MYLK: variants seen among roughly 807,000 people sequenced by gnomAD.
The protein encoded by MYLK is myosin light chain kinase, also known as myosin light chain kinase, smooth muscle.
MYLK carries 106 observed loss-of-function variants against 203.4 expected under a neutral mutation model. That is an observed-to-expected ratio of 0.52 (90% CI 0.45 to 0.61). MYLK has a LOEUF of 0.61. Ranked by LOEUF, MYLK falls within the 20% of genes least tolerant of loss-of-function variation. The pLI, the probability that MYLK is intolerant of heterozygous loss-of-function variation, is 0.00. For missense variants in MYLK, 2,072 were observed against 2,442.3 expected (o/e 0.85, Z 3.20); for synonymous variants, 867 against 959.5 (o/e 0.90, Z 1.78).
intron 8 of MYLK, among the ~76,000 whole-genome samples, chr3:123,735,921 G>GAT (rs1242768244): frequency 6.6e-6 from 1 of 152,184 alleles, no homozygotes; most frequent in East Asian, 1.9e-4. Flanking sequence ...CGATTAAGGA[G>GAT]ATACCACATT....
intron 5 of MYLK, among the ~76,000 whole-genome samples, chr3:123,750,733 T>C (rs2063167311): frequency 2.6e-5 from 4 of 152,122 alleles, no homozygotes; most frequent in South Asian, 2.1e-4. Context: ...TTTGTAGGCA[T>C]CAACACAAAG....
intron 3 of MYLK, among the ~76,000 whole-genome samples, chr3:123,794,235 A>G (rs2064902854): frequency 6.6e-6 from 1 of 152,236 alleles, no homozygotes; most frequent in South Asian, 2.1e-4. Context: ...CAGGACCAAC[A>G]TCTACATTAA....
chr3:123,634,487 TC>T (rs1249672329), intron 29 of MYLK, among the ~76,000 whole-genome samples: 2 of 151,976 alleles, frequency 1.3e-5, no homozygotes, highest in Non-Finnish European at 2.9e-5. Flanking sequence ...ACACCTCTCC[TC>T]CCTCCTGGCA....
chr3:123,788,636 T>C (rs1201660229), intron 4 of MYLK, among the ~76,000 whole-genome samples: 1 of 150,510 alleles, frequency 6.6e-6, no homozygotes, highest in Non-Finnish European at 1.5e-5. Context: ...TGACTGCTTC[T>C]GAGCTGGAAG....
chr3:123,644,784 T>C (rs1017314082), intron 27 of MYLK, among the ~76,000 whole-genome samples: 1 of 152,074 alleles, frequency 6.6e-6, no homozygotes, highest in Admixed American at 6.6e-5. Flanking sequence ...TTCCTGAAAA[T>C]GGGGAGGAAC....
chr3:123,709,105 T>C, intron 14 of MYLK: 1 of 435,684 alleles, frequency 2.3e-6, no homozygotes, highest in Non-Finnish European at 4.1e-6. Flanking sequence ...ACTGAGAACA[T>C]CTTCTGAGAT....
At chr3:123,860,947 G>A (rs762063876) in intron 2 of MYLK, among the ~76,000 whole-genome samples, 4 of 152,008 alleles carry the variant, frequency 2.6e-5, no homozygotes, top group Admixed American at 6.6e-5. Context: ...TGGCTAAAAC[G>A]GTGAAACCCC....
chr3:123,828,707 C>T (rs2066222427), intron 3 of MYLK, among the ~76,000 whole-genome samples: 1 of 152,042 alleles, frequency 6.6e-6, no homozygotes. Flanking sequence ...AAACTATTCA[C>T]CTGACAGGGG....
intron 3 of MYLK, among the ~76,000 whole-genome samples, chr3:123,802,892 T>G (rs1036753693): frequency 6.6e-6 from 1 of 152,182 alleles, no homozygotes; most frequent in African/African-American, 2.4e-5. Context: ...AGGATTAAGT[T>G]TGGGGTATCA....
chr3:123,824,281 G>C (rs1018368189), intron 3 of MYLK, among the ~76,000 whole-genome samples: 1 of 152,012 alleles, frequency 6.6e-6, no homozygotes, highest in African/African-American at 2.4e-5. Context: ...GTAGAGACAG[G>C]GTTTCACTAT....
chr3:123,638,072 G>A lies in MYLK; in HGVS notation c.4960C>T (p.Leu1654=), dbSNP rs1219266312. The A allele has an allele frequency of 6.2e-7, 1 of 1,613,928 alleles. No individual in the cohort carries two copies. Among genetic ancestry groups the A allele is most frequent in the African/African-American group, 1.3e-5 (1 of 74,932 alleles). Residue 1654 remains leucine, a splice_region_variant and synonymous_variant, in exon 29 of 34, where the codon CTA becomes TTA. Coordinates refer to ENST00000360304, the MANE Select transcript of MYLK (RefSeq NM_053025.4). ...MWSIGVICYI[L]VSGLSPFMGD... Reference sequence around the variant, plus strand: ...TCCACCAAGTGCCCCAGGACTCACAGGATGTAGCAGATGACCCCGATGCTC... The same window carrying A: ...TCCACCAAGTGCCCCAGGACTCACAAGATGTAGCAGATGACCCCGATGCTC...
intron 4 of MYLK, among the ~76,000 whole-genome samples, chr3:123,791,886 T>C (rs1218957569): frequency 6.6e-6 from 1 of 152,266 alleles, no homozygotes; most frequent in Non-Finnish European, 1.5e-5. Context: ...TACCAAAGTA[T>C]ACTTTCTAAC....
intron 2 of MYLK, among the ~76,000 whole-genome samples, chr3:123,875,005 A>G (rs756813174): frequency 2.0e-5 from 3 of 152,194 alleles, no homozygotes; most frequent in Non-Finnish European, 4.4e-5. Flanking sequence ...AAGATGTGGA[A>G]AATATAACCC....
At chr3:123,745,041 G>C (rs1374304887) in intron 5 of MYLK, among the ~76,000 whole-genome samples, 1 of 152,128 alleles carries the variant, frequency 6.6e-6, no homozygotes, top group African/African-American at 2.4e-5. Context: ...AATTTGTGCA[G>C]AGTAAATTTT....
intron 2 of MYLK, among the ~76,000 whole-genome samples, chr3:123,858,634 T>C (rs2031622455): frequency 6.6e-6 from 1 of 152,134 alleles, no homozygotes; most frequent in South Asian, 2.1e-4. Flanking sequence ...CATTAATCCA[T>C]TAACACATTA....
intron 4 of MYLK, among the ~76,000 whole-genome samples, chr3:123,758,812 T>TTTTCTTTC (rs556362443): frequency 5.9e-5 from 9 of 152,122 alleles, no homozygotes; most frequent in Admixed American, 3.9e-4. Context: ...AGATACAGAT[T>TTTTCTTTC]TTTCTTTCTT....
intron 2 of MYLK, among the ~76,000 whole-genome samples, chr3:123,834,333 A>C (rs949526769): frequency 2.0e-5 from 3 of 152,224 alleles, no homozygotes; most frequent in Admixed American, 2.0e-4. Context: ...GGCGTGAGCT[A>C]CTGCGCCCAG....
chr3:123,781,937 C>A (rs2064315520), intron 4 of MYLK, among the ~76,000 whole-genome samples: 1 of 152,132 alleles, frequency 6.6e-6, no homozygotes. Flanking sequence ...AACTTACAGA[C>A]TGAATAAATA....
rs143556609 is a variant in MYLK, at chr3:123,764,880, G to A, written c.166-12342C>T. 7.9e-3 allele frequency among the ~76,000 whole-genome samples: 1,197 copies of A among 152,216 alleles called. 17 individuals carry two copies. Among genetic ancestry groups the A allele is most frequent in the African/African-American group, 0.028 (1,153 of 41,534 alleles). ...ACTCTCCTAACCACAGGCATAGCGC[G>A]TCAGAAGACTGAAACCCAACTCAGC... On this transcript the variant is annotated intron_variant, in intron 4 of 33. Transcript: ENST00000360304.
Sources: gnomAD v4.1 joint callset for allele counts (sites outside exome capture counted in the v4.1 genomes callset) on GRCh38, gnomAD v4.1.1 for gene constraint, MANE v1.5 for transcripts, NCBI Gene and HGNC (gene_info 2026-07-23, HGNC 2026-07-21) for gene names.